ATRNL1: variants seen among roughly 807,000 people sequenced by gnomAD.
ATRNL1 encodes the protein attractin-like protein 1.
In ATRNL1, 95 loss-of-function variants were observed where a neutral mutation model predicts 182.7. That is an observed-to-expected ratio of 0.52 (90% CI 0.44 to 0.62). The LOEUF (loss-of-function observed/expected upper bound fraction) is 0.62, where lower values mean the gene tolerates loss of function less well. ATRNL1 is among the 20% of genes least tolerant of loss of function. The pLI, the probability that ATRNL1 is intolerant of heterozygous loss-of-function variation, is 0.00. For synonymous variants in ATRNL1, 576 were observed against 568.3 expected (o/e 1.01, Z -0.19); for missense variants, 1,471 against 1,679.5 (o/e 0.88, Z 2.17).
At chr10:115,791,871 G>T (rs1027601890) in intron 27 of ATRNL1, among the ~76,000 whole-genome samples, 25 of 152,032 alleles carry the variant, frequency 1.6e-4, no homozygotes, top group African/African-American at 5.1e-4. Flanking sequence ...AATGAAAATA[G>T]GTAATTTCTT....
intron 27 of ATRNL1, among the ~76,000 whole-genome samples, chr10:115,757,299 G>C (rs1948615728): frequency 1.3e-5 from 2 of 152,174 alleles, no homozygotes; most frequent in South Asian, 4.1e-4. Context: ...GCTGGTACCA[G>C]TTGTTTCTTT....
At chr10:115,479,053 C>A (rs986912207) in intron 24 of ATRNL1, among the ~76,000 whole-genome samples, 3 of 151,390 alleles carry the variant, frequency 2.0e-5, no homozygotes, top group Admixed American at 6.6e-5. Context: ...ATTTAAAAGG[C>A]AGGTTTTATC....
intron 27 of ATRNL1, among the ~76,000 whole-genome samples, chr10:115,783,990 T>C (rs60555064): frequency 0.046 from 6,983 of 152,190 alleles, 548 homozygotes; most frequent in African/African-American, 0.16. Context: ...TCCAGCCTGG[T>C]GACAGAGCGA....
At chr10:115,339,181 G>T (rs1003335499) in intron 19 of ATRNL1, among the ~76,000 whole-genome samples, 1 of 151,970 alleles carries the variant, frequency 6.6e-6, no homozygotes, top group African/African-American at 2.4e-5. Context: ...TTTTGCTTTG[G>T]ATAGCTTTGG....
intron 5 of ATRNL1, among the ~76,000 whole-genome samples, chr10:115,141,964 A>G (rs1427569315): frequency 2.0e-5 from 3 of 152,116 alleles, no homozygotes; most frequent in African/African-American, 7.2e-5. Flanking sequence ...TTTTTCATTT[A>G]TTAATGTAAC....
At chr10:115,302,208 A>G (rs1264746464) in intron 17 of ATRNL1, among the ~76,000 whole-genome samples, 165 bp downstream of exon 17, 3 of 152,196 alleles carry the variant, frequency 2.0e-5, no homozygotes, top group Non-Finnish European at 4.4e-5. Flanking sequence ...GATTTTTATT[A>G]TATCATCATT....
intron 26 of ATRNL1, among the ~76,000 whole-genome samples, chr10:115,560,596 C>T (rs1279993177): frequency 1.3e-5 from 2 of 152,138 alleles, no homozygotes; most frequent in Non-Finnish European, 2.9e-5. Flanking sequence ...TACTCCCAAA[C>T]TTATCTACAA....
chr10:115,324,610 C>CT (rs1258564909), intron 18 of ATRNL1, among the ~76,000 whole-genome samples: 1 of 152,180 alleles, frequency 6.6e-6, no homozygotes, highest in African/African-American at 2.4e-5. Flanking sequence ...CTGACATATA[C>CT]TTTAAGTTCC....
rs138861995 is a variant in ATRNL1 at position 115,376,833 on chromosome 10, G to C, written c.3176-17826G>C. Among the ~76,000 whole-genome samples, 1,004 of 152,190 alleles carry C rather than the reference G, an allele frequency of 6.6e-3. 11 individuals carry two copies. The highest frequency in any genetic ancestry group is 0.023 in the African/African-American group (949 of 41,514). On this transcript the variant is annotated intron_variant, in intron 19 of 28. Coordinates refer to ENST00000355044, the MANE Select transcript of ATRNL1 (RefSeq NM_207303.4). Reference sequence around the variant, plus strand: ...TTCTCCCTTTGTCACATCTTCTGGTGATCCCATAATTCATATGTTTTTATG... The same window carrying C: ...TTCTCCCTTTGTCACATCTTCTGGTCATCCCATAATTCATATGTTTTTATG...
intron 3 of ATRNL1, among the ~76,000 whole-genome samples, chr10:115,127,008 T>C (rs1178960480): frequency 6.6e-6 from 1 of 152,204 alleles, no homozygotes; most frequent in Non-Finnish European, 1.5e-5. Context: ...GGAATAGTTA[T>C]ATATTAATGC....
chr10:115,168,042 T>C (rs1847124262), intron 7 of ATRNL1, among the ~76,000 whole-genome samples: 1 of 152,150 alleles, frequency 6.6e-6, no homozygotes, highest in Non-Finnish European at 1.5e-5. Context: ...TTTCTCTATA[T>C]ATTGGTCCAT....
intron 27 of ATRNL1, among the ~76,000 whole-genome samples, chr10:115,751,021 A>G (rs1593167459): frequency 6.6e-6 from 1 of 152,190 alleles, no homozygotes; most frequent in African/African-American, 2.4e-5. Flanking sequence ...TTCACATGGC[A>G]AAAGAGATTT....
chr10:115,108,632 T>C (rs782499479), intron 1 of ATRNL1, among the ~76,000 whole-genome samples: 3 of 152,174 alleles, frequency 2.0e-5, no homozygotes, highest in African/African-American at 4.8e-5. Context: ...TCTTGTCTGC[T>C]CCTTACAATA....
intron 26 of ATRNL1, among the ~76,000 whole-genome samples, chr10:115,595,305 A>T (rs1317600849): frequency 1.3e-5 from 2 of 152,002 alleles, no homozygotes; most frequent in African/African-American, 4.8e-5. Flanking sequence ...TGAGACACTG[A>T]TATAATCTAT....
At chr10:115,916,058 T>C (rs1488744867) in intron 28 of ATRNL1, among the ~76,000 whole-genome samples, 1 of 152,238 alleles carries the variant, frequency 6.6e-6, no homozygotes, top group Admixed American at 6.5e-5. Flanking sequence ...AAGCATCATT[T>C]AAAGTATAGT....
At chr10:115,288,353 A>G (rs1852728654) in intron 15 of ATRNL1, among the ~76,000 whole-genome samples, 3 of 152,148 alleles carry the variant, frequency 2.0e-5, no homozygotes, top group Admixed American at 6.5e-5. Flanking sequence ...CCAACAACGT[A>G]TAAGAATTCC....
intron 26 of ATRNL1, among the ~76,000 whole-genome samples, chr10:115,702,444 G>A (rs1196619701): frequency 2.0e-5 from 3 of 151,796 alleles, no homozygotes; most frequent in East Asian, 1.9e-4. Flanking sequence ...AAAAGAAAAG[G>A]CATCTAAATA....
chr10:115,158,224 A>G (rs1205530951), intron 5 of ATRNL1, among the ~76,000 whole-genome samples: 1 of 152,034 alleles, frequency 6.6e-6, no homozygotes, highest in African/African-American at 2.4e-5. Flanking sequence ...GATGCATTAT[A>G]TATAATTTCT....
At chr10:115,553,266 A>G (rs775858988) in intron 26 of ATRNL1, among the ~76,000 whole-genome samples, 3 of 151,284 alleles carry the variant, frequency 2.0e-5, no homozygotes, top group Non-Finnish European at 4.5e-5. Context: ...TGAAACTTTA[A>G]CTGCAAAATC....
Sources: gnomAD v4.1 joint callset for allele counts (sites outside exome capture counted in the v4.1 genomes callset) on GRCh38, gnomAD v4.1.1 for gene constraint, MANE v1.5 for transcripts, NCBI Gene and HGNC (gene_info 2026-07-23, HGNC 2026-07-21) for gene names.